Variants in TCERG1L observed in about 807,000 individuals in gnomAD.
TCERG1L encodes transcription elongation regulator 1-like protein.
TCERG1L carries 37 observed loss-of-function variants against 56.3 expected under a neutral mutation model. The ratio of observed to expected loss-of-function variants is 0.66; its 90% CI spans 0.51 to 0.87. The LOEUF is 0.87. Among genes scored for constraint, TCERG1L ranks in the 40% least tolerant of loss-of-function variants. TCERG1L has a pLI of 0.00. For missense variants in TCERG1L, 799 were observed against 774.2 expected (o/e 1.03, Z -0.38); for synonymous variants, 324 against 326.3 (o/e 0.99, Z 0.08).
chr10:131,307,477 T>C (rs547755549), intron 3 of TCERG1L, among the ~76,000 whole-genome samples: 1 of 152,198 alleles, frequency 6.6e-6, no homozygotes, highest in Non-Finnish European at 1.5e-5. Flanking sequence ...GGTAATGTAA[T>C]TCTGAAGCCA....
chr10:131,149,252 G>A (rs1589728896), intron 6 of TCERG1L, among the ~76,000 whole-genome samples: 1 of 152,330 alleles, frequency 6.6e-6, no homozygotes, highest in East Asian at 1.9e-4. Context: ...TGGGCCCGTG[G>A]GGTGCTGCCC....
chr10:131,128,146 G>A (rs1354655320), intron 8 of TCERG1L, among the ~76,000 whole-genome samples: 2 of 152,032 alleles, frequency 1.3e-5, no homozygotes, highest in Admixed American at 1.3e-4. Context: ...GAAATGAAAG[G>A]GAAAAAGTGG....
intron 9 of TCERG1L, among the ~76,000 whole-genome samples, chr10:131,113,635 C>T (rs1193750902): frequency 7.0e-6 from 1 of 141,856 alleles, no homozygotes; most frequent in Non-Finnish European, 1.6e-5. Context: ...GACGTGGTAC[C>T]AGGGCTCTCC....
chr10:131,135,203 T>C (rs1429783128), intron 7 of TCERG1L, among the ~76,000 whole-genome samples: 1 of 152,180 alleles, frequency 6.6e-6, no homozygotes, highest in South Asian at 2.1e-4. Context: ...ATTCTGTGTC[T>C]ACCTCTGGCT....
intron 4 of TCERG1L, among the ~76,000 whole-genome samples, chr10:131,200,748 G>A (rs1423617238): frequency 6.6e-6 from 1 of 152,202 alleles, no homozygotes; most frequent in Non-Finnish European, 1.5e-5. Flanking sequence ...GTGTGGGAAG[G>A]ACTCAAGTTT....
At position 131,311,458 on chromosome 10, in the gene TCERG1L, G is replaced by A. The variant is rs891842983; in HGVS notation, c.178C>T (p.Pro60Ser). ...LRLSAGVVVP[P>S]VLLASAPPPA... ...GGCGGGGCCGAGGCGAGCAGCACCG[G>A]GGGAACCACGACCCCCGCGCTGAGC... Residue 60 changes from proline (P) to serine (S), a missense_variant, in exon 1 of 12, where the codon CCG becomes TCG. Coordinates refer to ENST00000368642, the MANE Select transcript of TCERG1L (RefSeq NM_174937.4). The surrounding 1 kb of genome is among the most constrained non-coding windows in gnomAD (Gnocchi z 4.0). 2.5e-6 allele frequency: 3 copies of A among 1,181,482 alleles called. No individual in the cohort carries two copies. Among genetic ancestry groups the A allele is most frequent in the Admixed American group, 9.2e-5 (2 of 21,694 alleles). 73.2% of individuals were successfully genotyped at this position (1,181,482 alleles called of 1,614,324 possible).
At chr10:131,174,975 C>T (rs80054553) in intron 4 of TCERG1L, among the ~76,000 whole-genome samples, 3,912 of 152,258 alleles carry the variant, frequency 0.026, 104 homozygotes, top group South Asian at 0.08. Context: ...TGGGACCCCA[C>T]CCCCGCAATT....
chr10:131,146,752 G>T, intron 6 of TCERG1L, 92 bp from the exon 7 acceptor site: 1 of 1,370,690 alleles, frequency 7.3e-7, no homozygotes, highest in South Asian at 1.8e-5. Context: ...AGCCCCTCAG[G>T]ACCGAAATCC....
At chr10:131,154,905 C>T (rs1444224653) in intron 6 of TCERG1L, among the ~76,000 whole-genome samples, 5 of 152,220 alleles carry the variant, frequency 3.3e-5, no homozygotes, top group Admixed American at 1.3e-4. Flanking sequence ...CTCTCCGCTT[C>T]GGGCCGTGGG....
intron 4 of TCERG1L, among the ~76,000 whole-genome samples, chr10:131,195,968 A>G (rs7101300): frequency 0.38 from 57,871 of 152,082 alleles, 11,187 homozygotes; most frequent in East Asian, 0.48. Flanking sequence ...AGAACTGGGC[A>G]GCGGGGCTGG....
intron 4 of TCERG1L, among the ~76,000 whole-genome samples, chr10:131,236,252 C>G (rs1026398033): frequency 6.6e-6 from 1 of 152,242 alleles, no homozygotes; most frequent in African/African-American, 2.4e-5. Flanking sequence ...GATCTATGAT[C>G]TAATGAATTT....
At chr10:131,156,785 C>T (rs759889882) in intron 6 of TCERG1L, among the ~76,000 whole-genome samples, 3 of 152,108 alleles carry the variant, frequency 2.0e-5, no homozygotes, top group African/African-American at 7.2e-5. Flanking sequence ...CAATCGATCA[C>T]GACCCTCTCA....
chr10:131,208,194 T>G (rs1231411228), intron 4 of TCERG1L, among the ~76,000 whole-genome samples: 1 of 152,170 alleles, frequency 6.6e-6, no homozygotes, highest in Non-Finnish European at 1.5e-5. Context: ...GCCAAAGCGG[T>G]TCCTCCAGGG....
At chr10:131,149,452 C>G (rs1032398635) in intron 6 of TCERG1L, among the ~76,000 whole-genome samples, 4 of 152,202 alleles carry the variant, frequency 2.6e-5, no homozygotes, top group African/African-American at 9.6e-5. Flanking sequence ...ACCCGGCTAG[C>G]ATAGGAAGTT....
chr10:131,242,903 C>T (rs1845989052), intron 4 of TCERG1L, among the ~76,000 whole-genome samples: 1 of 151,996 alleles, frequency 6.6e-6, no homozygotes, highest in African/African-American at 2.4e-5. Flanking sequence ...CCCTTGAAAA[C>T]AGAAAGGGAA....
At chr10:131,289,876 G>T (rs59776790) in intron 3 of TCERG1L, among the ~76,000 whole-genome samples, 1,115 of 49,668 alleles carry the variant, frequency 0.022, 203 homozygotes, top group Admixed American at 0.051. Context: ...GTGTGAGCAG[G>T]TGTGCACTGC....
At chr10:131,222,815 G>A (rs1845748607) in intron 4 of TCERG1L, among the ~76,000 whole-genome samples, 1 of 152,164 alleles carries the variant, frequency 6.6e-6, no homozygotes, top group Non-Finnish European at 1.5e-5. Flanking sequence ...ACCGCTCTCT[G>A]GGGAGGGTCA....
intron 4 of TCERG1L, among the ~76,000 whole-genome samples, chr10:131,227,156 A>C (rs1845799065): frequency 6.6e-6 from 1 of 152,264 alleles, no homozygotes; most frequent in Non-Finnish European, 1.5e-5. Context: ...CATGGGCCCT[A>C]GCAAGGGCCT....
intron 8 of TCERG1L, among the ~76,000 whole-genome samples, chr10:131,128,780 T>G (rs1026029693): frequency 6.6e-6 from 1 of 152,140 alleles, no homozygotes; most frequent in South Asian, 2.1e-4. Context: ...AAGGAAGTCG[T>G]AGATCAAGAT....
Sources: gnomAD v4.1 joint callset for allele counts (sites outside exome capture counted in the v4.1 genomes callset) on GRCh38, gnomAD v4.1.1 for gene constraint, Gnocchi (gnomAD v3.1) non-coding constraint, MANE v1.5 for transcripts, NCBI Gene and HGNC (gene_info 2026-07-23, HGNC 2026-07-21) for gene names.